The following CNTN6 variants were observed in gnomAD, a reference collection of about 807,000 sequenced individuals.
The protein encoded by CNTN6 is contactin-6.
Under a neutral mutation model 122.8 loss-of-function variants are expected in CNTN6, and 137 were observed. The observed-to-expected ratio is 1.12, with a 90% CI of 0.97 to 1.29. The LOEUF is 1.29. Ranked by LOEUF, CNTN6 falls within the 50% of genes most tolerant of loss-of-function variation. The pLI is 0.00. For missense variants in CNTN6, 1,634 were observed against 1,223.4 expected (o/e 1.34, Z -5.01); for synonymous variants, 570 against 426.0 (o/e 1.34, Z -4.16).
At chr3:1,148,815 C>A (rs1485736848) in intron 2 of CNTN6, among the ~76,000 whole-genome samples, 1 of 152,144 alleles carries the variant, frequency 6.6e-6, no homozygotes, top group Non-Finnish European at 1.5e-5. Flanking sequence ...TGAGCTGAGT[C>A]ATCTGAGACA....
intron 4 of CNTN6, among the ~76,000 whole-genome samples, chr3:1,267,063 A>C (rs1294098936): frequency 6.7e-6 from 1 of 149,354 alleles, no homozygotes; most frequent in African/African-American, 2.5e-5. Context: ...CTACAGGCAC[A>C]CACTGCCACG....
chr3:1,278,413 A>T lies in CNTN6; in HGVS notation c.359A>T (p.Tyr120Phe). The T allele has an allele frequency of 6.3e-7, 1 of 1,589,128 alleles. No individual in the cohort carries two copies. Among genetic ancestry groups the T allele is most frequent in the Non-Finnish European group, 8.6e-7 (1 of 1,162,642 alleles). ...LSRKAKLQFA[Y>F]IEDFETKTRS... Reference sequence around the variant, plus strand: ...AATCTGCTTTTCTTTGTTTTCCAAGATATTGAAGACTTTGAAACTAAAACA... The same window carrying T: ...AATCTGCTTTTCTTTGTTTTCCAAGTTATTGAAGACTTTGAAACTAAAACA... The change falls in exon 5 of 23, where the codon TAT becomes TTT. Residue 120 changes from tyrosine (Y) to phenylalanine (F), a missense_variant and splice_region_variant. Physicochemically the swap from Tyr to Phe is conservative, Grantham distance 22 (BLOSUM62 3). Transcript: ENST00000446702.
intron 21 of CNTN6, among the ~76,000 whole-genome samples, chr3:1,401,868 A>T (rs908824004): frequency 6.6e-6 from 1 of 152,004 alleles, no homozygotes; most frequent in African/African-American, 2.4e-5. Context: ...AATATATCTA[A>T]ATAGAGATTT....
At position 1,323,896 on chromosome 3, in the gene CNTN6, T is replaced by G. The variant is rs889083828; in HGVS notation, c.947-1919T>G. ...AGAATGTTCACGTTGAATAAATAAATGTGTTCTGTAGCCGCAATTATTGCA... is the reference window on the plus strand; with the variant it reads ...AGAATGTTCACGTTGAATAAATAAAGGTGTTCTGTAGCCGCAATTATTGCA... On this transcript the variant is annotated intron_variant, in intron 8 of 22. Coordinates refer to ENST00000446702, the MANE Select transcript of CNTN6 (RefSeq NM_001289080.2). Among the ~76,000 whole-genome samples the G allele has an allele frequency of 2.1e-5, 3 of 140,048 alleles. No individual in the cohort carries two copies. The East Asian group carries it at 5.8e-4, about 27-fold the overall frequency. The allele number at this position is 140,048 out of a possible 152,430, so 91.9% of individuals were successfully genotyped here.
Position 1,385,804 on chromosome 3 carries a change from A to G in CNTN6, c.2704+7A>G, listed in dbSNP as rs1186466689. The G allele has an allele frequency of 2.5e-6, 4 of 1,602,888 alleles. No homozygotes were observed. Among genetic ancestry groups the G allele is most frequent in the Non-Finnish European group, 2.6e-6 (3 of 1,175,390 alleles). On this transcript the variant is annotated splice_region_variant and intron_variant, in intron 20 of 22. Coordinates refer to ENST00000446702, the MANE Select transcript of CNTN6 (RefSeq NM_001289080.2). Reference sequence around the variant, plus strand: ...GTTACCACCAAAAAGTCTCGTAAGTATGCATACACTCCAGGAAACAAGATT... The same window carrying G: ...GTTACCACCAAAAAGTCTCGTAAGTGTGCATACACTCCAGGAAACAAGATT...
Position 1,403,276 on chromosome 3 carries a change from C to T in CNTN6, c.2987-42C>T, listed in dbSNP as rs767795781. 5.2e-6 allele frequency: 7 copies of T among 1,357,300 alleles called. No individual in the cohort carries two copies. In the African/African-American group the frequency reaches 8.6e-5, roughly 17 times the overall value. The allele number at this position is 1,357,300 out of a possible 1,614,324, so 84.1% of individuals were successfully genotyped here. ...TGAAAAATTAATCTAACAGGCAATA[C>T]TTTATCTCAAAATATTTTTGTCTTA... On this transcript the variant is annotated intron_variant, in intron 22 of 22. Coordinates refer to ENST00000446702, the MANE Select transcript of CNTN6 (RefSeq NM_001289080.2).
rs750011508 is a variant in CNTN6 at position 1,295,585 on chromosome 3, G to T, written c.455-16G>T. 6.2e-7 allele frequency: 1 copy of T among 1,606,508 alleles called. No homozygotes were observed. The highest frequency in any genetic ancestry group is 8.5e-7 in the Non-Finnish European group (1 of 1,174,120). ...GTATGGTTTTGTTTTGTTTTGTTTT[G>T]TTTCTTGTTTTTCAGATTTATCTTA... On this transcript the variant is annotated splice_polypyrimidine_tract_variant and intron_variant, in intron 5 of 22. Coordinates refer to ENST00000446702, the MANE Select transcript of CNTN6 (RefSeq NM_001289080.2).
chr3:1,388,384 A>T (rs1160926067), intron 20 of CNTN6, among the ~76,000 whole-genome samples: 1 of 149,882 alleles, frequency 6.7e-6, no homozygotes, highest in Non-Finnish European at 1.5e-5. Flanking sequence ...ACAAACAGAA[A>T]GGACATCCAC....
chr3:1,238,373 G>A (rs1243401305), intron 4 of CNTN6, among the ~76,000 whole-genome samples: 1 of 152,152 alleles, frequency 6.6e-6, no homozygotes, highest in African/African-American at 2.4e-5. Context: ...AAAAGGATTA[G>A]TCCAACAGGA....
chr3:1,168,257 AC>A (rs1389448265), intron 2 of CNTN6, among the ~76,000 whole-genome samples: 1 of 151,596 alleles, frequency 6.6e-6, no homozygotes, highest in African/African-American at 2.4e-5. Flanking sequence ...CCAGAAGCCG[AC>A]TTTCAGAAAA....
At chr3:1,330,680 A>C (rs1295737346) in intron 11 of CNTN6, among the ~76,000 whole-genome samples, 5 of 152,026 alleles carry the variant, frequency 3.3e-5, no homozygotes, top group Admixed American at 2.6e-4. Flanking sequence ...ATATGAAAAT[A>C]GTCCCTTTCG....
intron 2 of CNTN6, among the ~76,000 whole-genome samples, chr3:1,160,904 C>T (rs1207131474): frequency 6.6e-6 from 1 of 151,996 alleles, no homozygotes; most frequent in East Asian, 1.9e-4. Context: ...AATAGACATC[C>T]AATTAAAATA....
At chr3:1,107,784 G>A (rs140987705) in intron 1 of CNTN6, among the ~76,000 whole-genome samples, 1 of 151,940 alleles carries the variant, frequency 6.6e-6, no homozygotes, top group Non-Finnish European at 1.5e-5. Flanking sequence ...TATCTATAAG[G>A]GTTGTGGTCC....
At chr3:1,333,738 T>TA (rs1386610615) in intron 11 of CNTN6, among the ~76,000 whole-genome samples, 7 of 152,004 alleles carry the variant, frequency 4.6e-5, no homozygotes, top group Non-Finnish European at 7.4e-5. Flanking sequence ...TGCTGACTTA[T>TA]AAAAAAATGG....
At chr3:1,238,393 A>T (rs1237438538) in intron 4 of CNTN6, among the ~76,000 whole-genome samples, 4 of 152,220 alleles carry the variant, frequency 2.6e-5, no homozygotes, top group African/African-American at 9.6e-5. Flanking sequence ...AAAATATCAC[A>T]GTTCTAAATA....
intron 21 of CNTN6, 35 bp downstream of exon 21, chr3:1,401,580 T>G: frequency 2.8e-6 from 4 of 1,405,510 alleles, no homozygotes; most frequent in Non-Finnish European, 3.0e-6. Context: ...TCATATCAAT[T>G]AAGTTACTAA....
intron 1 of CNTN6, among the ~76,000 whole-genome samples, chr3:1,108,367 A>G (rs149536883): frequency 1.5e-3 from 224 of 152,202 alleles, no homozygotes; most frequent in African/African-American, 5.1e-3. Flanking sequence ...TATAAGCTTT[A>G]TACATATAAC....
At chr3:1,198,129 A>T (rs1189827563) in intron 2 of CNTN6, among the ~76,000 whole-genome samples, 1 of 152,148 alleles carries the variant, frequency 6.6e-6, no homozygotes, top group Non-Finnish European at 1.5e-5. Flanking sequence ...AGCACTTGAG[A>T]CTTGTCTTTC....
intron 1 of CNTN6, among the ~76,000 whole-genome samples, chr3:1,118,718 T>A (rs181551853): frequency 2.8e-4 from 42 of 152,296 alleles, no homozygotes; most frequent in African/African-American, 9.4e-4. Context: ...GTCATGTCTC[T>A]CTAATTCATA....
Sources: gnomAD v4.1 joint callset for allele counts (sites outside exome capture counted in the v4.1 genomes callset) on GRCh38, gnomAD v4.1.1 for gene constraint, MANE v1.5 for transcripts, NCBI Gene and HGNC (gene_info 2026-07-23, HGNC 2026-07-21) for gene names.